ARFGEF3: variants seen among roughly 807,000 people sequenced by gnomAD.
The protein encoded by ARFGEF3 is ARFGEF family member 3.
ARFGEF3 carries 96 observed loss-of-function variants against 221.7 expected under a neutral mutation model. The observed-to-expected ratio is 0.43, with a 90% CI of 0.37 to 0.51. The LOEUF is 0.51. ARFGEF3 is among the 20% of genes least tolerant of loss of function. The pLI is 0.00. For missense variants in ARFGEF3, 2,410 were observed against 2,789.9 expected, an observed-to-expected ratio of 0.86 and a Z score of 3.07; for synonymous variants, 1,145 against 1,126.8, an observed-to-expected ratio of 1.02 and a Z score of -0.32.
chr6:138,334,706 G>T lies in ARFGEF3; in HGVS notation c.5860G>T (p.Gly1954Cys), dbSNP rs770892594. The part of the protein sequence containing the change: ...QSESSTPSTG[G>C]FSGKETPSED... Reference sequence around the variant, plus strand: ...CGAGTCATCCACCCCATCCACCGGGGGCTTCTCTGGGAAAGAAACCCCTTC... The same window carrying T: ...CGAGTCATCCACCCCATCCACCGGGTGCTTCTCTGGGAAAGAAACCCCTTC... The change falls in exon 33 of 34, where the codon GGC (glycine) becomes TGC (cysteine). Residue 1954 changes from glycine to cysteine, a missense_variant. Physicochemically the swap from Gly to Cys is radical, Grantham distance 159. This residue lies in a region of ARFGEF3 where 339 missense variants were observed against 334.9 expected (regional missense o/e 1.01). Coordinates refer to ENST00000251691, the MANE Select transcript of ARFGEF3 (RefSeq NM_020340.5). The surrounding 1 kb of genome is among the most constrained non-coding windows in gnomAD (Gnocchi z 5.1). The T allele has an allele frequency of 3.9e-5, 63 of 1,610,030 alleles. No homozygotes were observed. Among genetic ancestry groups the T allele is most frequent in the South Asian group, 2.1e-4 (19 of 90,966 alleles).
Position 138,289,910 on chromosome 6 carries a change from C to T in ARFGEF3, c.2989C>T (p.Leu997Phe), listed in dbSNP as rs770552715. 6.2e-7 allele frequency: 1 copy of T among 1,613,918 alleles called. No homozygotes were observed. ...TAHVLCMEAI[L>F]SVGLEMGSHN... Reference sequence around the variant, plus strand: ...CCACGTCTTGTGCATGGAGGCCATCCTCAGCGTAGGCCTGGAGATGGGAAG... The same window carrying T: ...CCACGTCTTGTGCATGGAGGCCATCTTCAGCGTAGGCCTGGAGATGGGAAG... Residue 997 changes from leucine to phenylalanine, a missense_variant, in exon 18 of 34, where the codon CTC becomes TTC. Physicochemically the swap from Leu to Phe is conservative, Grantham distance 22 (BLOSUM62 0). This residue lies in a region of ARFGEF3 where 594 missense variants were observed against 734.3 expected (regional missense o/e 0.81). Transcript: ENST00000251691.
chr6:138,299,750 A>G (rs1779596523), intron 22 of ARFGEF3, among the ~76,000 whole-genome samples: 1 of 152,250 alleles, frequency 6.6e-6, no homozygotes, highest in Admixed American at 6.5e-5. Flanking sequence ...CGCAAACTTT[A>G]CAAAGCTGGT....
intron 8 of ARFGEF3, among the ~76,000 whole-genome samples, chr6:138,253,553 C>T (rs765858678): frequency 6.6e-6 from 1 of 152,172 alleles, no homozygotes; most frequent in African/African-American, 2.4e-5. Flanking sequence ...ACTGTCTTCC[C>T]TCAGTGAATG....
At chr6:138,300,034 G>A (rs1422425040) in intron 22 of ARFGEF3, among the ~76,000 whole-genome samples, 3 of 151,366 alleles carry the variant, frequency 2.0e-5, no homozygotes, top group South Asian at 2.1e-4. Flanking sequence ...TTCAAGGTAC[G>A]TGAGCTCTCA....
At chr6:138,251,995 G>A (rs1383477047) in intron 8 of ARFGEF3, among the ~76,000 whole-genome samples, 1 of 152,144 alleles carries the variant, frequency 6.6e-6, no homozygotes, top group African/African-American at 2.4e-5. Context: ...CTAGAAATGT[G>A]AAGTCCTTAC....
chr6:138,287,592 A>AGG, intron 17 of ARFGEF3, among the ~76,000 whole-genome samples: 1 of 152,326 alleles, frequency 6.6e-6, no homozygotes, highest in East Asian at 1.9e-4. Context: ...AAAATTCATG[A>AGG]GGGGAGGCTC....
intron 8 of ARFGEF3, among the ~76,000 whole-genome samples, chr6:138,249,888 C>T (rs1562367342): frequency 6.6e-6 from 1 of 152,162 alleles, no homozygotes; most frequent in Non-Finnish European, 1.5e-5. Context: ...GCTGGGGGCA[C>T]AGGATGCTTA....
intron 10 of ARFGEF3, among the ~76,000 whole-genome samples, chr6:138,257,551 A>G (rs547953613): frequency 2.6e-5 from 4 of 152,316 alleles, no homozygotes; most frequent in African/African-American, 9.6e-5. Context: ...TAGGAGGTCA[A>G]ATGGTTTGCC....
chr6:138,285,991 C>T lies in ARFGEF3; in HGVS notation c.2507C>T (p.Ala836Val). 6.2e-7 allele frequency: 1 copy of T among 1,611,366 alleles called. No homozygotes were observed. ...AGTGCCATTGGTGGCCAGCTGATGG[C>T]CTCGGCTGCTACAGAGTCTCCTTTC... ...ESSAIGGQLM[A>V]SAATESPFAQ... Residue 836 changes from alanine (A) to valine (V), a missense_variant, in exon 15 of 34, where the codon GCC (alanine) becomes GTC (valine). Ala to Val is a moderately conservative substitution (Grantham distance 64). Coordinates refer to ENST00000251691, the MANE Select transcript of ARFGEF3 (RefSeq NM_020340.5).
rs570967067 is a variant in ARFGEF3, at chr6:138,262,889, G to A, written c.1406G>A (p.Arg469Gln). The A allele has an allele frequency of 3.3e-5, 54 of 1,613,258 alleles. No individual in the cohort carries two copies. The highest frequency in any genetic ancestry group is 1.0e-4 in the Admixed American group (6 of 59,864). Residue 469 changes from arginine to glutamine, a missense_variant, in exon 12 of 34, where the codon CGA (arginine) becomes CAA (glutamine). Arg to Gln is a conservative substitution (Grantham distance 43, BLOSUM62 1). This residue lies in a region of ARFGEF3 where 570 missense variants were observed against 586.9 expected (regional missense o/e 0.97). Coordinates refer to ENST00000251691, the MANE Select transcript of ARFGEF3 (RefSeq NM_020340.5). ...EELKDGAEWS[R>Q]DSMEINEADF... The stretch of plus-strand genomic sequence containing the variant: ...CTGAAGGATGGGGCTGAGTGGAGCC[G>A]AGATTCCATGGAGATCAATGAGGCT...
intron 8 of ARFGEF3, among the ~76,000 whole-genome samples, chr6:138,248,529 A>G (rs1778526581): frequency 6.6e-6 from 1 of 152,194 alleles, no homozygotes; most frequent in African/African-American, 2.4e-5. Context: ...TTTCTAAGGG[A>G]AAAATCTGGA....
intron 2 of ARFGEF3, among the ~76,000 whole-genome samples, chr6:138,194,065 C>T (rs1002901813): frequency 2.0e-5 from 3 of 151,996 alleles, no homozygotes; most frequent in South Asian, 2.1e-4. Context: ...GTCAGGAGTT[C>T]GAGACCAGCC....
chr6:138,317,404 T>C (rs1456238944), intron 27 of ARFGEF3, 25 bp downstream of exon 27: 3 of 1,613,428 alleles, frequency 1.9e-6, no homozygotes, highest in African/African-American at 2.7e-5. Context: ...GTCCGTCTTT[T>C]GGGGGAGTGG....
At chr6:138,202,896 A>G (rs888593117) in intron 2 of ARFGEF3, among the ~76,000 whole-genome samples, 17 of 151,894 alleles carry the variant, frequency 1.1e-4, no homozygotes, top group Non-Finnish European at 1.5e-5. Context: ...ACACACATGC[A>G]CACACACCCA....
intron 2 of ARFGEF3, among the ~76,000 whole-genome samples, chr6:138,191,919 T>C (rs17067199): frequency 0.074 from 11,268 of 152,212 alleles, 813 homozygotes; most frequent in East Asian, 0.38. Flanking sequence ...TTAATAATGA[T>C]GACAACAATG....
chr6:138,322,031 A>T (rs1011853468), intron 29 of ARFGEF3, among the ~76,000 whole-genome samples: 10 of 152,166 alleles, frequency 6.6e-5, no homozygotes, highest in Non-Finnish European at 1.5e-4. Flanking sequence ...TTGGCCAAAC[A>T]TTATTGTGGG....
chr6:138,190,718 C>T (rs1179834805), intron 2 of ARFGEF3, among the ~76,000 whole-genome samples: 1 of 152,132 alleles, frequency 6.6e-6, no homozygotes, highest in Non-Finnish European at 1.5e-5. Flanking sequence ...GCTGTGTTTC[C>T]TGGGAAAAGT....
rs1480419703 is a variant in ARFGEF3, at chr6:138,319,835, C to T, written c.4607C>T (p.Ser1536Phe). 6.2e-7 allele frequency: 1 copy of T among 1,614,000 alleles called. No homozygotes were observed. Among genetic ancestry groups the T allele is most frequent in the Admixed American group, 1.7e-5 (1 of 60,020 alleles). ...AATTTCAAGCACGCTATTGGTCTGTCCTGTGAGCTGGTGGTGGAGCACATT... is the reference window on the plus strand; with the variant it reads ...AATTTCAAGCACGCTATTGGTCTGTTCTGTGAGCTGGTGGTGGAGCACATT... ...SANFKHAIGL[S>F]CELVVEHIQS... The change falls in exon 28 of 34, where the codon TCC becomes TTC. Residue 1536 changes from serine (S) to phenylalanine (F), a missense_variant. Physicochemically the swap from Ser to Phe is radical, Grantham distance 155. This residue lies in a region of ARFGEF3 where 723 missense variants were observed against 991.9 expected (regional missense o/e 0.73). Coordinates refer to ENST00000251691, the MANE Select transcript of ARFGEF3 (RefSeq NM_020340.5).
intron 10 of ARFGEF3, among the ~76,000 whole-genome samples, chr6:138,257,201 G>A (rs908328803): frequency 1.3e-5 from 2 of 152,118 alleles, no homozygotes; most frequent in African/African-American, 4.8e-5. Flanking sequence ...CAGCTTTGGA[G>A]GCCAGTGAGA....
Sources: allele counts gnomAD v4.1 joint callset (sites outside exome capture counted in the v4.1 genomes callset), GRCh38; gene constraint gnomAD v4.1.1; regional missense constraint gnomAD v4.1.1; non-coding constraint Gnocchi (gnomAD v3.1); transcripts MANE v1.5; gene names NCBI Gene and HGNC (gene_info 2026-07-23, HGNC 2026-07-21).